PARD3B: variants seen among roughly 807,000 people sequenced by gnomAD.
PARD3B encodes the protein par-3 family cell polarity regulator beta.
In PARD3B, 103 loss-of-function variants were observed where a neutral mutation model predicts 130.2. The ratio of observed to expected loss-of-function variants is 0.79; its 90% CI spans 0.67 to 0.93. The LOEUF is 0.93. Among genes scored for constraint, PARD3B ranks in the 40% least tolerant of loss-of-function variants. The pLI is 0.00. For synonymous variants in PARD3B, 583 were observed against 553.2 expected (o/e 1.05, Z -0.76); for missense variants, 1,609 against 1,499.2 (o/e 1.07, Z -1.21).
At chr2:204,827,053 G>A (rs1394011949) in intron 2 of PARD3B, among the ~76,000 whole-genome samples, 5 of 152,000 alleles carry the variant, frequency 3.3e-5, no homozygotes, top group South Asian at 2.1e-4. Flanking sequence ...ATAGGTTTTC[G>A]TTCTTGTTCT....
intron 21 of PARD3B, among the ~76,000 whole-genome samples, chr2:205,551,108 G>A (rs577600296): frequency 5.0e-4 from 76 of 151,068 alleles, no homozygotes; most frequent in African/African-American, 1.7e-3. Context: ...TCTGGATAAC[G>A]GTGCTGAAAC....
At chr2:205,475,129 A>G (rs1302468243) in intron 20 of PARD3B, among the ~76,000 whole-genome samples, 1 of 152,124 alleles carries the variant, frequency 6.6e-6, no homozygotes, top group Admixed American at 6.6e-5. Context: ...ACTAAGCTAT[A>G]TCTACTTGGA....
chr2:204,861,924 CAAAAAAAAAAA>C (rs60473341), intron 2 of PARD3B, among the ~76,000 whole-genome samples: 1 of 34,068 alleles, frequency 2.9e-5, no homozygotes. Flanking sequence ...AGACATTTCT[CAAAAAAAAAAA>C]AAAAAAAAAA....
intron 18 of PARD3B, among the ~76,000 whole-genome samples, chr2:205,398,417 G>A (rs1034999442): frequency 3.9e-5 from 6 of 152,116 alleles, no homozygotes; most frequent in Admixed American, 1.3e-4. Context: ...ATTCAGAAAG[G>A]GAATCAGGAA....
intron 4 of PARD3B, among the ~76,000 whole-genome samples, chr2:205,089,834 A>G (rs1701989916): frequency 6.6e-6 from 1 of 152,178 alleles, no homozygotes; most frequent in African/African-American, 2.4e-5. Flanking sequence ...CTTTATTGTC[A>G]TATCTGTAAT....
At chr2:204,994,218 G>C (rs1313645117) in intron 3 of PARD3B, among the ~76,000 whole-genome samples, 147 of 132,180 alleles carry the variant, frequency 1.1e-3, no homozygotes, top group African/African-American at 3.9e-3. Context: ...TAGGCATTTA[G>C]TGCTATAAAT....
chr2:204,762,839 C>A (rs1444335837), intron 2 of PARD3B, among the ~76,000 whole-genome samples: 22 of 151,588 alleles, frequency 1.5e-4, no homozygotes, highest in African/African-American at 5.3e-4. Context: ...CGGCTCACCA[C>A]AACCTCCACC....
intron 2 of PARD3B, among the ~76,000 whole-genome samples, chr2:204,687,259 G>A (rs1051354371): frequency 6.6e-6 from 1 of 152,040 alleles, no homozygotes; most frequent in Non-Finnish European, 1.5e-5. Context: ...AATCTTTGCA[G>A]ACATCTTATA....
chr2:204,706,847 A>G (rs1226893782), intron 2 of PARD3B, among the ~76,000 whole-genome samples: 1 of 152,208 alleles, frequency 6.6e-6, no homozygotes, highest in Non-Finnish European at 1.5e-5. Flanking sequence ...ATATTTTTCT[A>G]GCAAAACACT....
chr2:205,182,174 C>T lies in PARD3B; in HGVS notation c.1925-3590C>T, dbSNP rs1576101242. On this transcript the variant is annotated intron_variant, in intron 13 of 22. Coordinates refer to ENST00000406610, the MANE Select transcript of PARD3B (RefSeq NM_001302769.2). Reference sequence around the variant, plus strand: ...GGGCTTGGTGGCAGGTGCCTGTAGTCCCAGCTACGCGGGAGGCTGAGGCAG... The same window carrying T: ...GGGCTTGGTGGCAGGTGCCTGTAGTTCCAGCTACGCGGGAGGCTGAGGCAG... Among the ~76,000 whole-genome samples the T allele has an allele frequency of 4.6e-5, 7 of 152,218 alleles. 1 individual carries two copies. Among genetic ancestry groups the T allele is most frequent in the Admixed American group, 4.6e-4 (7 of 15,300 alleles).
chr2:205,316,066 A>C (rs1296178849), intron 18 of PARD3B, among the ~76,000 whole-genome samples: 1 of 151,952 alleles, frequency 6.6e-6, no homozygotes, highest in Non-Finnish European at 1.5e-5. Flanking sequence ...TGAATGACTG[A>C]CTGGTTTATA....
At chr2:205,350,702 C>T (rs536150544) in intron 18 of PARD3B, among the ~76,000 whole-genome samples, 1 of 152,134 alleles carries the variant, frequency 6.6e-6, no homozygotes, top group Non-Finnish European at 1.5e-5. Context: ...ATCATTTCTA[C>T]TTTTCTATAA....
Position 205,128,573 on chromosome 2 carries a change from T to C in PARD3B, c.1434+2836T>C, listed in dbSNP as rs1280516281. On this transcript the variant is annotated intron_variant, in intron 10 of 22. Coordinates refer to ENST00000406610, the MANE Select transcript of PARD3B (RefSeq NM_001302769.2). This position sits in a 1 kb window ranked among gnomAD's most constrained non-coding sequence, Gnocchi z 4.5. ...ACATCACTCAGAGGCTGTTTCCTCA[T>C]CTGTATTGTAAGAATTGTTGTGAAG... Among the ~76,000 whole-genome samples, 2 of 152,224 alleles carry C rather than the reference T, an allele frequency of 1.3e-5. No homozygotes were observed. The highest frequency in any genetic ancestry group is 4.8e-5 in the African/African-American group (2 of 41,440).
chr2:205,287,382 T>C lies in PARD3B; in HGVS notation c.2186-13148T>C, dbSNP rs1207428. Among the ~76,000 whole-genome samples, 124,079 of 152,146 alleles carry C rather than the reference T, an allele frequency of 0.82. 51,199 individuals are homozygous for C. Among genetic ancestry groups the C allele is most frequent in the South Asian group, 0.9 (4,347 of 4,820 alleles). On this transcript the variant is annotated intron_variant, in intron 16 of 22. Transcript: ENST00000406610. The surrounding 1 kb of genome is among the most constrained non-coding windows in gnomAD (Gnocchi z 4.8). The stretch of plus-strand genomic sequence containing the variant: ...GCACCCAGGGTCTCCATGTCAGCAG[T>C]ACTCTCTCGTGCAGTTCTGGTTCCT...
At chr2:204,839,072 C>G (rs1266167805) in intron 2 of PARD3B, among the ~76,000 whole-genome samples, 1 of 152,122 alleles carries the variant, frequency 6.6e-6, no homozygotes, top group Non-Finnish European at 1.5e-5. Context: ...GTTAATTTAT[C>G]TCTGCTGGGC....
intron 4 of PARD3B, among the ~76,000 whole-genome samples, chr2:205,103,156 ATAAACATATTTTATATTTAT>A (rs1702913218): frequency 1.7e-5 from 2 of 117,858 alleles, no homozygotes; most frequent in Non-Finnish European, 1.8e-5. Flanking sequence ...TTTATGTAAA[ATAAACATATTTTATATTTAT>A]GTAAAGTAAA....
intron 20 of PARD3B, among the ~76,000 whole-genome samples, chr2:205,445,696 A>G (rs1363896111): frequency 2.6e-5 from 4 of 152,186 alleles, no homozygotes; most frequent in Non-Finnish European, 5.9e-5. Flanking sequence ...TCCAAACCAT[A>G]TTAAGGAAAT....
At chr2:205,180,220 A>G (rs1475090494) in intron 13 of PARD3B, among the ~76,000 whole-genome samples, 1 of 151,076 alleles carries the variant, frequency 6.6e-6, no homozygotes, top group Non-Finnish European at 1.5e-5. Flanking sequence ...ATTTAGGCCT[A>G]TCAAAACACA....
chr2:205,580,620 A>G (rs1166711316), intron 22 of PARD3B, among the ~76,000 whole-genome samples: 2 of 152,254 alleles, frequency 1.3e-5, no homozygotes, highest in African/African-American at 4.8e-5. Context: ...GCCTTAAAAA[A>G]GGTGGCTTTG....
Sources: allele counts gnomAD v4.1 joint callset (sites outside exome capture counted in the v4.1 genomes callset), GRCh38; gene constraint gnomAD v4.1.1; non-coding constraint Gnocchi (gnomAD v3.1); transcripts MANE v1.5; gene names NCBI Gene and HGNC (gene_info 2026-07-23, HGNC 2026-07-21).